The following PTPRJ variants were observed in gnomAD, a reference collection of about 807,000 sequenced individuals.
PTPRJ encodes the protein protein tyrosine phosphatase receptor type J.
Under a neutral mutation model 141.3 loss-of-function variants are expected in PTPRJ, and 129 were observed. That is an observed-to-expected ratio of 0.91 (90% CI 0.79 to 1.06). The LOEUF (loss-of-function observed/expected upper bound fraction) is 1.06. Among genes scored for constraint, PTPRJ ranks in the 50% least tolerant of loss-of-function variants. The pLI is 0.00. For missense variants in PTPRJ, 1,601 were observed against 1,679.7 expected, an observed-to-expected ratio of 0.95 and a Z score of 0.82; for synonymous variants, 610 against 640.5, an observed-to-expected ratio of 0.95 and a Z score of 0.72.
intron 1 of PTPRJ, among the ~76,000 whole-genome samples, chr11:48,031,334 T>C (rs1853977569): frequency 6.6e-6 from 1 of 152,072 alleles, no homozygotes; most frequent in South Asian, 2.1e-4. Flanking sequence ...TGTCCTCTCC[T>C]GGGACTCAGT....
chr11:48,000,469 T>C lies in PTPRJ; in HGVS notation c.96+19461T>C, dbSNP rs545118162. Among the ~76,000 whole-genome samples the C allele has an allele frequency of 1.2e-4, 19 of 152,112 alleles. No homozygotes were observed. The East Asian group carries it at 3.7e-3, about 29-fold the overall frequency. ...CTTGCTTCTTTCCCGTAAATTGAGG[T>C]GTGTTATTCCACTGCTTAAAAGCCT... On this transcript the variant is annotated intron_variant, in intron 1 of 24. Transcript: ENST00000418331.
intron 1 of PTPRJ, among the ~76,000 whole-genome samples, chr11:48,090,006 G>T (rs1454006706): frequency 6.6e-6 from 1 of 152,240 alleles, no homozygotes; most frequent in East Asian, 1.9e-4. Context: ...CTGCCGGATG[G>T]TCATCTCATA....
At chr11:48,024,532 C>T (rs946683108) in intron 1 of PTPRJ, among the ~76,000 whole-genome samples, 10 of 152,140 alleles carry the variant, frequency 6.6e-5, no homozygotes, top group Non-Finnish European at 1.3e-4. Context: ...CCCTGATCAA[C>T]CTTTTCTTTT....
intron 1 of PTPRJ, among the ~76,000 whole-genome samples, chr11:48,009,993 A>C (rs1017674971): frequency 1.3e-5 from 2 of 152,176 alleles, no homozygotes; most frequent in East Asian, 3.9e-4. Context: ...CTGGACATAC[A>C]TACTCTGGGG....
At chr11:48,124,833 AG>A in intron 5 of PTPRJ, 134 bp from the exon 6 acceptor site, 2 of 776,254 alleles carry the variant, frequency 2.6e-6, no homozygotes, top group Non-Finnish European at 4.4e-6. Context: ...TGGAGGAGGA[AG>A]GGAGCAGATA....
At chr11:48,114,298 T>C (rs922064075) in intron 3 of PTPRJ, among the ~76,000 whole-genome samples, 2 of 151,112 alleles carry the variant, frequency 1.3e-5, no homozygotes, top group African/African-American at 4.9e-5. Flanking sequence ...ATTAGCCGGG[T>C]GTGGTCATGC....
intron 18 of PTPRJ, among the ~76,000 whole-genome samples, chr11:48,153,255 C>T (rs1857524293): frequency 8.0e-6 from 1 of 125,312 alleles, no homozygotes. Flanking sequence ...GAACTAGGGG[C>T]TGGGCATGGT....
intron 1 of PTPRJ, among the ~76,000 whole-genome samples, chr11:48,082,619 A>AT (rs1251891205): frequency 0.051 from 6,080 of 119,932 alleles, 225 homozygotes; most frequent in African/African-American, 0.11. Flanking sequence ...TGATATTGCT[A>AT]TTTTTTTTTT....
intron 1 of PTPRJ, among the ~76,000 whole-genome samples, chr11:48,014,244 GGA>G (rs1010325917): frequency 1.3e-4 from 20 of 152,178 alleles, no homozygotes; most frequent in African/African-American, 3.1e-4. Flanking sequence ...GAGGAAAAGG[GGA>G]GGTATTGTGG....
intron 3 of PTPRJ, among the ~76,000 whole-genome samples, chr11:48,115,438 G>C: frequency 6.6e-6 from 1 of 152,064 alleles, no homozygotes; most frequent in East Asian, 1.9e-4. Context: ...AACCAAGATT[G>C]CTATACCCAG....
At chr11:47,991,617 G>A (rs1188231531) in intron 1 of PTPRJ, among the ~76,000 whole-genome samples, 2 of 152,132 alleles carry the variant, frequency 1.3e-5, no homozygotes, top group Non-Finnish European at 2.9e-5. Context: ...AGAGCACACC[G>A]TGCTTGTGGT....
intron 1 of PTPRJ, among the ~76,000 whole-genome samples, chr11:47,994,688 T>A (rs557045555): frequency 6.6e-6 from 1 of 151,416 alleles, no homozygotes; most frequent in South Asian, 2.1e-4. Flanking sequence ...AATAAATAAA[T>A]AAAATAAAAA....
At chr11:48,000,307 AT>A (rs1422592024) in intron 1 of PTPRJ, among the ~76,000 whole-genome samples, 8 of 150,218 alleles carry the variant, frequency 5.3e-5, no homozygotes, top group African/African-American at 1.5e-4. Flanking sequence ...CTCCTGGGTA[AT>A]TTTAAAATTT....
intron 14 of PTPRJ, among the ~76,000 whole-genome samples, chr11:48,145,526 TTA>T (rs966736120): frequency 6.6e-6 from 1 of 151,908 alleles, no homozygotes; most frequent in Non-Finnish European, 1.5e-5. Flanking sequence ...ATAATTTTAA[TTA>T]TGTTTATTGA....
intron 1 of PTPRJ, among the ~76,000 whole-genome samples, chr11:47,994,682 A>G (rs1045173374): frequency 1.3e-5 from 2 of 152,006 alleles, no homozygotes; most frequent in African/African-American, 4.8e-5. Context: ...TAAATAAATA[A>G]ATAAATAAAA....
chr11:48,137,096 C>T lies in PTPRJ; in HGVS notation c.1967C>T (p.Ser656Phe). 6.2e-7 allele frequency: 1 copy of T among 1,607,708 alleles called. No homozygotes were observed. The highest frequency in any genetic ancestry group is 8.5e-7 in the Non-Finnish European group (1 of 1,174,144). ...TTTGATGACGCCTCTCCCACGTACT[C>T]CTACTGCCTTCTTATTGAGAAGGCT... ...QNFDDASPTY[S>F]YCLLIEKAGN... The change falls in exon 10 of 25, where the codon TCC (serine) becomes TTC (phenylalanine). Residue 656 changes from serine (S) to phenylalanine (F), a missense_variant. Transcript: ENST00000418331.
At chr11:48,038,392 A>C (rs1262253796) in intron 1 of PTPRJ, among the ~76,000 whole-genome samples, 1 of 152,080 alleles carries the variant, frequency 6.6e-6, no homozygotes, top group Non-Finnish European at 1.5e-5. Context: ...CTTCAGCATC[A>C]CTGGGGAGGA....
intron 1 of PTPRJ, among the ~76,000 whole-genome samples, chr11:48,068,745 A>C (rs777626144): frequency 1.3e-5 from 2 of 152,170 alleles, no homozygotes; most frequent in African/African-American, 2.4e-5. Context: ...TGGTCCATGC[A>C]CGGAATCTGG....
intron 1 of PTPRJ, among the ~76,000 whole-genome samples, chr11:48,024,485 A>C (rs1474716591): frequency 6.6e-6 from 1 of 152,158 alleles, no homozygotes; most frequent in Non-Finnish European, 1.5e-5. Context: ...GGCGTGAGCC[A>C]CTGTGCCTGG....
Sources: allele counts gnomAD v4.1 joint callset (sites outside exome capture counted in the v4.1 genomes callset), GRCh38; gene constraint gnomAD v4.1.1; transcripts MANE v1.5; gene names NCBI Gene and HGNC (gene_info 2026-07-23, HGNC 2026-07-21).